PCDHA6: variants seen among roughly 807,000 people sequenced by gnomAD.
PCDHA6 encodes protocadherin alpha 6.
In PCDHA6, 55 loss-of-function variants were observed where a neutral mutation model predicts 60.3. The ratio of observed to expected loss-of-function variants is 0.91; its 90% CI spans 0.73 to 1.14. The LOEUF is 1.14. PCDHA6 is among the 50% of genes most tolerant of loss of function. The pLI is 0.00. For synonymous variants in PCDHA6, 652 were observed against 557.9 expected (o/e 1.17, Z -2.38); for missense variants, 1,327 against 1,256.5 (o/e 1.06, Z -0.85).
chr5:140,952,923 C>CAGGA (rs1455819119), intron 1 of PCDHA6, among the ~76,000 whole-genome samples: 1 of 151,990 alleles, frequency 6.6e-6, no homozygotes, highest in Non-Finnish European at 1.5e-5. Flanking sequence ...ATGGCATGAG[C>CAGGA]AGGAGCAGGA....
chr5:140,835,675 G>A (rs2150241595), intron 1 of PCDHA6: 3 of 1,613,800 alleles, frequency 1.9e-6, no homozygotes, highest in Admixed American at 1.7e-5. Context: ...CGGGACGGGG[G>A]CTCGCCTTCT....
rs2150168320 is a variant in PCDHA6 at position 140,829,458 on chromosome 5, C to T, written c.1367C>T (p.Ala456Val). ...ATGAATGACAATGCTCCGGCGTTCGCGCAGCCCGAGTACACAGTGTTCGTG... is the reference window on the plus strand; with the variant it reads ...ATGAATGACAATGCTCCGGCGTTCGTGCAGCCCGAGTACACAGTGTTCGTG... ...ADMNDNAPAF[A>V]QPEYTVFVKE... The change falls in exon 1 of 4, where the codon GCG (alanine) becomes GTG (valine). Residue 456 changes from alanine to valine, a missense_variant. Ala to Val is a moderately conservative substitution (Grantham distance 64, BLOSUM62 0). Coordinates refer to ENST00000529310, the MANE Select transcript of PCDHA6 (RefSeq NM_018909.4). 2 of 1,613,890 alleles carry T rather than the reference C, an allele frequency of 1.2e-6. No individual in the cohort carries two copies. The highest frequency in any genetic ancestry group is 3.3e-5 in the Admixed American group (2 of 60,022).
intron 1 of PCDHA6, among the ~76,000 whole-genome samples, chr5:140,916,610 A>G (rs1002556327): frequency 6.6e-6 from 1 of 152,196 alleles, no homozygotes; most frequent in Non-Finnish European, 1.5e-5. Flanking sequence ...TGCGGGCCTC[A>G]TGACTCTACT....
At chr5:140,883,477 C>T (rs2059632046) in intron 1 of PCDHA6, 2 of 1,614,054 alleles carry the variant, frequency 1.2e-6, no homozygotes, top group Non-Finnish European at 1.7e-6. Flanking sequence ...CCTACAAGAA[C>T]TACTACTCAT....
intron 1 of PCDHA6, chr5:140,831,242 C>A (rs1312674321): frequency 2.0e-5 from 3 of 152,156 alleles, no homozygotes; most frequent in Non-Finnish European, 4.4e-5. Context: ...GGCATTGCGG[C>A]TCTCTTATTT....
rs543277248 is a variant in PCDHA6, at chr5:140,857,767, C to A, written c.2394+27282C>A. ...TGGCGTCTCCCGCTGGCAGCGCGGG[C>A]GGTGCAGTCAGTGAGCTGGTGCTGC... On this transcript the variant is annotated intron_variant, in intron 1 of 3. Coordinates refer to ENST00000529310, the MANE Select transcript of PCDHA6 (RefSeq NM_018909.4). 127 of 1,597,456 alleles carry A rather than the reference C, an allele frequency of 8.0e-5. 4 individuals are homozygous for A. The South Asian group carries it at 1.3e-3, about 16-fold the overall frequency.
intron 3 of PCDHA6, among the ~76,000 whole-genome samples, chr5:140,997,288 T>C (rs1554255825): frequency 1.3e-5 from 2 of 152,222 alleles, no homozygotes; most frequent in African/African-American, 4.8e-5. Context: ...CACTTAACAA[T>C]GGGGATACAC....
chr5:140,997,781 C>T (rs1207024588), intron 3 of PCDHA6, among the ~76,000 whole-genome samples: 3 of 151,626 alleles, frequency 2.0e-5, no homozygotes, highest in African/African-American at 7.3e-5. Flanking sequence ...TGTTGTATAC[C>T]TATATTATAA....
chr5:140,831,358 T>TTG (rs1379903906), intron 1 of PCDHA6: 4 of 110,904 alleles, frequency 3.6e-5, no homozygotes, highest in Non-Finnish European at 5.7e-5. Flanking sequence ...ATTCACTATT[T>TTG]TGTATGTGTG....
intron 1 of PCDHA6, chr5:140,864,749 C>T (rs544244056): frequency 6.6e-6 from 1 of 152,178 alleles, no homozygotes; most frequent in East Asian, 1.9e-4. Context: ...ACCGATTATA[C>T]TCATTTTTCT....
intron 1 of PCDHA6, chr5:140,863,139 G>A (rs1554157817): frequency 3.3e-6 from 2 of 605,396 alleles, no homozygotes; most frequent in African/African-American, 3.7e-5. Flanking sequence ...GCCTGCTGGT[G>A]CTGGTGAAGG....
At chr5:140,927,915 C>T (rs200890211) in intron 1 of PCDHA6, 7 of 1,614,120 alleles carry the variant, frequency 4.3e-6, no homozygotes, top group Admixed American at 3.3e-5. Context: ...CCGAACTGGA[C>T]TTCCTGACTC....
rs2150167679 is a variant in PCDHA6 at position 140,829,425 on chromosome 5, T to G, written c.1334T>G (p.Val445Gly). Reference protein sequence around the residue: ...LWATASLSVEVADMNDNAPAF... With the variant: ...LWATASLSVEGADMNDNAPAF... The stretch of plus-strand genomic sequence containing the variant: ...GCCACCGCCAGCTTGTCTGTGGAGG[T>G]GGCCGACATGAATGACAATGCTCCG... Residue 445 changes from valine to glycine, a missense_variant, in exon 1 of 4, where the codon GTG becomes GGG. Transcript: ENST00000529310. 1 of 1,613,952 alleles carries G rather than the reference T, an allele frequency of 6.2e-7. No individual in the cohort carries two copies. The highest frequency in any genetic ancestry group is 1.1e-5 in the South Asian group (1 of 91,072).
chr5:140,921,974 T>G lies in PCDHA6; in HGVS notation c.2395-56975T>G, dbSNP rs184369031. Among the ~76,000 whole-genome samples the G allele has an allele frequency of 1.1e-3, 161 of 151,826 alleles. 2 individuals are homozygous for G. The highest frequency in any genetic ancestry group is 2.1e-3 in the Non-Finnish European group (141 of 67,922). The stretch of plus-strand genomic sequence containing the variant: ...AATCCCAGAAAACCAAAGGAAAAAA[T>G]AGAACTAAAAAAGAGTTCAATGAAA... On this transcript the variant is annotated intron_variant, in intron 1 of 3. Transcript: ENST00000529310.
intron 1 of PCDHA6, chr5:140,876,266 A>T: frequency 6.2e-7 from 1 of 1,614,012 alleles, no homozygotes; most frequent in South Asian, 1.1e-5. Context: ...ATCCAACTAA[A>T]TGCTTCCGAT....
intron 1 of PCDHA6, chr5:140,882,683 C>G (rs1554175163): frequency 6.2e-7 from 1 of 1,614,148 alleles, no homozygotes; most frequent in Non-Finnish European, 8.5e-7. Flanking sequence ...AAGCAAGAAA[C>G]GAATAATCAT....
chr5:140,829,658 C>A lies in PCDHA6; in HGVS notation c.1567C>A (p.Leu523Met). The change falls in exon 1 of 4, where the codon CTG becomes ATG. Residue 523 changes from leucine (L) to methionine (M), a missense_variant. By Grantham distance (15) the Leu-to-Met change is conservative (BLOSUM62 2). Transcript: ENST00000529310. ...ESGKVYALQP[L>M]DHEELELLQF... ...CGGCAAGGTGTACGCGCTGCAGCCG[C>A]TGGACCACGAGGAGCTAGAGCTGCT... The A allele has an allele frequency of 5.0e-6, 8 of 1,612,628 alleles. No individual in the cohort carries two copies. Among genetic ancestry groups the A allele is most frequent in the Non-Finnish European group, 6.8e-6 (8 of 1,179,828 alleles).
rs1171652738 is a variant in PCDHA6 at position 140,842,111 on chromosome 5, C to A, written c.2394+11626C>A. On this transcript the variant is annotated intron_variant, in intron 1 of 3. Transcript: ENST00000529310. ...AGACAACGGAACAACAGTTATCAAA[C>A]TGAATGCTTCTGATCCGGATGAAGG... is the stretch of plus-strand genomic sequence containing the variant. The A allele has an allele frequency of 3.1e-6, 5 of 1,613,758 alleles. No individual in the cohort carries two copies. In the Admixed American group the frequency reaches 8.3e-5, roughly 27 times the overall value.
In PCDHA6 at chr5:140,934,078, G is replaced by A. The variant is rs13188437; in HGVS notation, c.2395-44871G>A. On this transcript the variant is annotated intron_variant, in intron 1 of 3. Transcript: ENST00000529310. ...GGCTAACTTTTGGTGTTTTGGGTTC[G>A]CTTTGTTGTATGTTTGCTTTCTATT... is the stretch of plus-strand genomic sequence containing the variant. 1.4e-3 allele frequency among the ~76,000 whole-genome samples: 217 copies of A among 151,620 alleles called. 1 individual carries two copies. Among genetic ancestry groups the A allele is most frequent in the African/African-American group, 4.8e-3 (200 of 41,380 alleles).
Sources: allele counts gnomAD v4.1 joint callset (sites outside exome capture counted in the v4.1 genomes callset), GRCh38; gene constraint gnomAD v4.1.1; transcripts MANE v1.5; gene names NCBI Gene and HGNC (gene_info 2026-07-23, HGNC 2026-07-21).